The following RIMBP2 variants were observed in gnomAD, a reference collection of about 807,000 sequenced individuals.
The protein encoded by RIMBP2 is RIMS-binding protein 2.
Under a neutral mutation model 118.6 loss-of-function variants are expected in RIMBP2, and 48 were observed. That is an observed-to-expected ratio of 0.40 (90% confidence interval 0.32 to 0.51). RIMBP2 has a LOEUF of 0.51. RIMBP2 is among the 20% of genes least tolerant of loss of function. RIMBP2 has a pLI of 0.41. For synonymous variants in RIMBP2, 762 were observed against 742.9 expected (o/e 1.03, Z -0.42); for missense variants, 1,551 against 1,768.3 (o/e 0.88, Z 2.20).
At chr12:130,444,739 A>G (rs115529688) in intron 10 of RIMBP2, among the ~76,000 whole-genome samples, 2,550 of 152,316 alleles carry the variant, frequency 0.017, 69 homozygotes, top group African/African-American at 0.058. Context: ...CACAGGTGCC[A>G]AGAGCCACCT....
intron 12 of RIMBP2, among the ~76,000 whole-genome samples, chr12:130,437,492 C>G (rs1451462869): frequency 6.6e-6 from 1 of 152,174 alleles, no homozygotes; most frequent in Non-Finnish European, 1.5e-5. Context: ...ACCTCAGGCC[C>G]CAGGACCCAA....
At position 130,611,112 on chromosome 12, in the gene RIMBP2, C is replaced by T. The variant is rs1013332983; in HGVS notation, c.-217+17210G>A. 2.6e-5 allele frequency among the ~76,000 whole-genome samples: 4 copies of T among 152,192 alleles called. 1 individual carries two copies. Among genetic ancestry groups the T allele is most frequent in the Admixed American group, 1.3e-4 (2 of 15,286 alleles). On this transcript the variant is annotated intron_variant, in intron 2 of 22. Coordinates refer to ENST00000690449, the MANE Select transcript of RIMBP2 (RefSeq NM_001393629.1). ...GAGAGCATTGTGCCTCTAGCCAGGC[C>T]GCCCAAAGCGGGCAGAGCCTGAACT...
intron 2 of RIMBP2, among the ~76,000 whole-genome samples, chr12:130,611,164 C>T (rs921009333): frequency 3.9e-5 from 6 of 152,208 alleles, no homozygotes; most frequent in East Asian, 1.9e-4. Context: ...ACATGGGCTC[C>T]GGCCTCCAGG....
Position 130,431,269 on chromosome 12 carries a change from G to A in RIMBP2, c.2254-2932C>T, listed in dbSNP as rs1209286610. Reference sequence around the variant, plus strand: ...GAGGCTTCCACCCACTAGAACATCGGTGTCTTGGAGCAGATGGGATAGCGC... The same window carrying A: ...GAGGCTTCCACCCACTAGAACATCGATGTCTTGGAGCAGATGGGATAGCGC... On this transcript the variant is annotated intron_variant, in intron 14 of 22. Coordinates refer to ENST00000690449, the MANE Select transcript of RIMBP2 (RefSeq NM_001393629.1). The surrounding 1 kb of genome is among the most constrained non-coding windows in gnomAD (Gnocchi z 4.0). Among the ~76,000 whole-genome samples, 1 of 152,120 alleles carries A rather than the reference G, an allele frequency of 6.6e-6. No homozygotes were observed. The highest frequency in any genetic ancestry group is 2.1e-4 in the South Asian group (1 of 4,818).
chr12:130,488,035 G>A (rs562995282), intron 4 of RIMBP2, among the ~76,000 whole-genome samples: 13 of 152,324 alleles, frequency 8.5e-5, no homozygotes, highest in African/African-American at 2.9e-4. Flanking sequence ...GGCAACAGGA[G>A]TCTAATTAAC....
At chr12:130,413,653 AAAAG>A (rs1352732403) in intron 18 of RIMBP2, among the ~76,000 whole-genome samples, 2 of 149,888 alleles carry the variant, frequency 1.3e-5, no homozygotes, top group African/African-American at 4.9e-5. Context: ...AAAAAAAAAA[AAAAG>A]GAACTGGGTA....
intron 4 of RIMBP2, among the ~76,000 whole-genome samples, chr12:130,500,907 C>A (rs1410413047): frequency 6.6e-6 from 1 of 152,124 alleles, no homozygotes; most frequent in African/African-American, 2.4e-5. Flanking sequence ...CTCTACCACA[C>A]GCGTCATCTA....
chr12:130,471,298 G>A (rs1015568812), intron 5 of RIMBP2, among the ~76,000 whole-genome samples: 2 of 152,246 alleles, frequency 1.3e-5, no homozygotes, highest in African/African-American at 4.8e-5. Flanking sequence ...GATGGCTGCT[G>A]CCCAGGCAAA....
intron 3 of RIMBP2, among the ~76,000 whole-genome samples, chr12:130,516,923 T>C (rs4759709): frequency 0.37 from 55,684 of 151,942 alleles, 11,918 homozygotes; most frequent in East Asian, 0.64. Flanking sequence ...CTTTGGCATC[T>C]GGGAAAGAGA....
intron 7 of RIMBP2, 92 bp from the exon 8 acceptor site, chr12:130,451,432 C>G: frequency 7.5e-7 from 1 of 1,340,338 alleles, no homozygotes; most frequent in East Asian, 2.4e-5. Flanking sequence ...TGCCTTTCCC[C>G]TCTTTGACAA....
At position 130,502,732 on chromosome 12, in the gene RIMBP2, T is replaced by C. The variant is rs1332712933; in HGVS notation, c.-4+3916A>G. ...ACTTTTTCTTCATCGGGCAGTTGAA[T>C]GTTGAGGTCTATTTTGCTAACTGCT... On this transcript the variant is annotated intron_variant, in intron 4 of 22. Transcript: ENST00000690449. 2.0e-5 allele frequency among the ~76,000 whole-genome samples: 3 copies of C among 152,218 alleles called. No homozygotes were observed. In the East Asian group the frequency reaches 5.8e-4, roughly 29 times the overall value.
intron 7 of RIMBP2, among the ~76,000 whole-genome samples, chr12:130,451,749 G>A (rs1042202734): frequency 1.3e-5 from 2 of 151,608 alleles, no homozygotes; most frequent in African/African-American, 2.4e-5. Flanking sequence ...CAGCGAGACC[G>A]AGAGAAAGTG....
chr12:130,445,172 C>A lies in RIMBP2; in HGVS notation c.679G>T (p.Gly227Trp). The A allele has an allele frequency of 6.2e-7, 1 of 1,607,218 alleles. No individual in the cohort carries two copies. The highest frequency in any genetic ancestry group is 1.7e-5 in the Admixed American group (1 of 58,772). Residue 227 changes from glycine to tryptophan, a missense_variant, in exon 10 of 23, where the codon GGG (glycine) becomes TGG (tryptophan). Physicochemically the swap from Gly to Trp is radical, Grantham distance 184. This residue lies in a region of RIMBP2 where 265 missense variants were observed against 349.5 expected (regional missense o/e 0.76). Coordinates refer to ENST00000690449, the MANE Select transcript of RIMBP2 (RefSeq NM_001393629.1). ...LYVYGDMDED[G>W]FYEGELLDGQ... ...TTCCAACAGAGACCTTCATAGAACC[C>A]ATCCTCATCCATGTCTCCATAGACG...
intron 1 of RIMBP2, among the ~76,000 whole-genome samples, chr12:130,642,600 A>G (rs2062673048): frequency 6.6e-6 from 1 of 152,126 alleles, no homozygotes; most frequent in African/African-American, 2.4e-5. Flanking sequence ...TTAGTCTTAT[A>G]AGTCAGACTA....
At chr12:130,655,426 G>A (rs1566430984) in intron 1 of RIMBP2, among the ~76,000 whole-genome samples, 1 of 152,180 alleles carries the variant, frequency 6.6e-6, no homozygotes, top group Non-Finnish European at 1.5e-5. Flanking sequence ...GACCTGAGGA[G>A]GACACATGAG....
chr12:130,478,075 G>A (rs2081597330), intron 5 of RIMBP2, among the ~76,000 whole-genome samples: 1 of 152,216 alleles, frequency 6.6e-6, no homozygotes, highest in African/African-American at 2.4e-5. Flanking sequence ...GAGAGAGACA[G>A]CAGGACCGTG....
chr12:130,488,659 T>C (rs1046790164), intron 4 of RIMBP2, among the ~76,000 whole-genome samples: 1 of 151,320 alleles, frequency 6.6e-6, no homozygotes, highest in African/African-American at 2.4e-5. Flanking sequence ...AATCAATGTT[T>C]CTTTCTATCA....
At chr12:130,604,061 A>G (rs2171421) in intron 2 of RIMBP2, among the ~76,000 whole-genome samples, 103,733 of 152,006 alleles carry the variant, frequency 0.68, 35,580 homozygotes, top group South Asian at 0.81. Context: ...AGGACAGGAC[A>G]TGCAGGTGCA....
chr12:130,712,939 G>T (rs985291029), intron 1 of RIMBP2, among the ~76,000 whole-genome samples: 1 of 151,984 alleles, frequency 6.6e-6, no homozygotes, highest in African/African-American at 2.4e-5. Context: ...CTTATGCAGG[G>T]CGTCATCTGG....
Sources: gnomAD v4.1 joint callset for allele counts (sites outside exome capture counted in the v4.1 genomes callset) on GRCh38, gnomAD v4.1.1 for gene constraint, gnomAD v4.1.1 regional missense constraint, Gnocchi (gnomAD v3.1) non-coding constraint, MANE v1.5 for transcripts, NCBI Gene and HGNC (gene_info 2026-07-23, HGNC 2026-07-21) for gene names.